The following TYW1 variants were observed in gnomAD, a reference collection of about 807,000 sequenced individuals.
TYW1 encodes S-adenosyl-L-methionine-dependent tRNA 4-demethylwyosine synthase TYW1.
In TYW1, 46 loss-of-function variants were observed where a neutral mutation model predicts 96.2. The ratio of observed to expected loss-of-function variants is 0.48; its 90% CI spans 0.38 to 0.61. TYW1 has a LOEUF of 0.61. TYW1 is among the 20% of genes least tolerant of loss of function. The pLI, the probability that TYW1 is intolerant of heterozygous loss-of-function variation, is 0.00. For missense variants in TYW1, 684 were observed against 909.6 expected (o/e 0.75, Z 3.19); for synonymous variants, 274 against 323.0 (o/e 0.85, Z 1.63).
At chr7:67,006,124 C>G (rs1007763791) in intron 3 of TYW1, among the ~76,000 whole-genome samples, 1 of 152,156 alleles carries the variant, frequency 6.6e-6, no homozygotes, top group Non-Finnish European at 1.5e-5. Flanking sequence ...GGAGGTGGGG[C>G]TTGGCGGGAG....
At chr7:67,178,754 T>C (rs1006940917) in intron 13 of TYW1, among the ~76,000 whole-genome samples, 2 of 151,706 alleles carry the variant, frequency 1.3e-5, no homozygotes, top group African/African-American at 4.9e-5. Context: ...AAAGTCAGGA[T>C]ATTAGATATT....
At chr7:67,099,752 C>T (rs2115867410) in intron 12 of TYW1, among the ~76,000 whole-genome samples, 1 of 152,304 alleles carries the variant, frequency 6.6e-6, no homozygotes, top group African/African-American at 2.4e-5. Flanking sequence ...CCTGTCATCC[C>T]AGCACTTTGG....
intron 15 of TYW1, among the ~76,000 whole-genome samples, chr7:67,201,555 C>T (rs1482163035): frequency 6.6e-6 from 1 of 150,554 alleles, no homozygotes; most frequent in African/African-American, 2.5e-5. Flanking sequence ...GTGATGGTGT[C>T]GTCCATGGAG....
intron 9 of TYW1, among the ~76,000 whole-genome samples, chr7:67,059,934 G>T (rs1311858825): frequency 6.6e-6 from 1 of 150,982 alleles, no homozygotes; most frequent in Non-Finnish European, 1.5e-5. Flanking sequence ...CACCACGCCT[G>T]GGTAATTTTT....
At chr7:67,115,645 TC>T (rs1797569787) in intron 12 of TYW1, among the ~76,000 whole-genome samples, 1 of 151,952 alleles carries the variant, frequency 6.6e-6, no homozygotes, top group South Asian at 2.1e-4. Flanking sequence ...ATCAACAATA[TC>T]TCCTAAAAAG....
At chr7:67,015,341 AT>A (rs1037067292) in intron 5 of TYW1, among the ~76,000 whole-genome samples, 4 of 151,658 alleles carry the variant, frequency 2.6e-5, no homozygotes, top group South Asian at 2.1e-4. Context: ...CTTAAAAAAA[AT>A]TTTTTTTTAA....
chr7:67,009,737 A>T (rs1793728025), intron 4 of TYW1, 53 bp downstream of exon 4: 1 of 1,420,680 alleles, frequency 7.0e-7, no homozygotes, highest in African/African-American at 1.4e-5. Flanking sequence ...ACTGATCTGC[A>T]ATCTTCACAG....
chr7:67,087,358 T>C (rs13311262), intron 11 of TYW1, among the ~76,000 whole-genome samples: 2 of 152,110 alleles, frequency 1.3e-5, no homozygotes, highest in South Asian at 4.1e-4. Flanking sequence ...TGGGTTCTTA[T>C]GATGTGAGGA....
chr7:67,076,408 T>G (rs756103551), intron 10 of TYW1, among the ~76,000 whole-genome samples: 3 of 152,190 alleles, frequency 2.0e-5, no homozygotes, highest in Non-Finnish European at 2.9e-5. Context: ...TTTCTAACAA[T>G]GCACAACTCT....
rs778743156 is a variant in TYW1 at position 67,032,885 on chromosome 7, C to CTTTTTTTTTTT, written c.984+7882_984+7892dup. 2.2e-3 allele frequency among the ~76,000 whole-genome samples: 165 copies of CTTTTTTTTTTT among 76,270 alleles called. 20 individuals carry two copies. The highest frequency in any genetic ancestry group is 4.9e-3 in the African/African-American group (81 of 16,646). The allele number at this position is 76,270 out of a possible 152,430, so 50.0% of individuals were successfully genotyped here. ...ATTTTCCAGCAGCAGAGAAGTATAC[C>CTTTTTTTTTTT]TTTTTTTTTTTTTTTTTTTTTTTTT... On this transcript the variant is annotated intron_variant, in intron 7 of 15. Transcript: ENST00000359626.
chr7:66,998,856 C>G lies in TYW1; in HGVS notation c.175C>G (p.Gln59Glu), dbSNP rs1584444963. 6.2e-7 allele frequency: 1 copy of G among 1,614,126 alleles called. No individual in the cohort carries two copies. ...GGAAAAATCTGTTCCAAAAGCAGCT[C>G]AGGATTTGATGACAAATGGTTATGT... ...LQEKSVPKAAQDLMTNGYVSL... is the reference protein window; with the variant it reads ...LQEKSVPKAAEDLMTNGYVSL... Residue 59 changes from glutamine (Q) to glutamate (E), a missense_variant, in exon 3 of 16, where the codon CAG becomes GAG. Transcript: ENST00000359626.
At chr7:67,019,907 G>A (rs1327511128) in intron 6 of TYW1, among the ~76,000 whole-genome samples, 5 of 152,286 alleles carry the variant, frequency 3.3e-5, no homozygotes, top group African/African-American at 1.2e-4. Context: ...TGGCTACCTG[G>A]AGTCAGTCAG....
intron 11 of TYW1, among the ~76,000 whole-genome samples, chr7:67,098,204 T>C (rs1263826921): frequency 1.3e-5 from 2 of 152,248 alleles, no homozygotes; most frequent in Admixed American, 1.3e-4. Context: ...TATGCAGATA[T>C]ACTGAGTTCA....
chr7:67,126,353 T>C (rs1797913673), intron 13 of TYW1, among the ~76,000 whole-genome samples: 1 of 151,978 alleles, frequency 6.6e-6, no homozygotes, highest in African/African-American at 2.4e-5. Flanking sequence ...TTGTTGAGAT[T>C]TAAGAGTTCT....
intron 3 of TYW1, among the ~76,000 whole-genome samples, chr7:67,007,200 T>A (rs1233284910): frequency 1.3e-5 from 2 of 152,070 alleles, no homozygotes; most frequent in South Asian, 4.2e-4. Context: ...CATGAGCCAA[T>A]TCTTCATTTA....
intron 15 of TYW1, among the ~76,000 whole-genome samples, chr7:67,230,652 CTTTT>C (rs34585182): frequency 4.2e-5 from 5 of 119,540 alleles, no homozygotes; most frequent in Admixed American, 9.1e-5. Flanking sequence ...CTTATTATCT[CTTTT>C]TTTTTTTTTT....
At chr7:67,195,994 G>A (rs1800381260) in intron 15 of TYW1, among the ~76,000 whole-genome samples, 1 of 151,712 alleles carries the variant, frequency 6.6e-6, no homozygotes, top group Non-Finnish European at 1.5e-5. Context: ...CTCATTATAT[G>A]TTCTCCTCTA....
At chr7:67,154,946 C>T (rs563715186) in intron 13 of TYW1, among the ~76,000 whole-genome samples, 1 of 152,180 alleles carries the variant, frequency 6.6e-6, no homozygotes, top group South Asian at 2.1e-4. Flanking sequence ...TTCTTTCTTC[C>T]ACTCTAATCT....
At chr7:67,037,416 A>G (rs1189997120) in intron 7 of TYW1, among the ~76,000 whole-genome samples, 1 of 151,694 alleles carries the variant, frequency 6.6e-6, no homozygotes, top group Non-Finnish European at 1.5e-5. Flanking sequence ...AGGCAGGAGA[A>G]TCCCTTGAAC....
Sources: allele counts gnomAD v4.1 joint callset (sites outside exome capture counted in the v4.1 genomes callset), GRCh38; gene constraint gnomAD v4.1.1; transcripts MANE v1.5; gene names NCBI Gene and HGNC (gene_info 2026-07-23, HGNC 2026-07-21).